Variants in CAPS2 observed in about 807,000 individuals in gnomAD.
CAPS2 encodes calcyphosine 2.
In CAPS2, 98 loss-of-function variants were observed where a neutral mutation model predicts 86.5. That is an observed-to-expected ratio of 1.13 (90% CI 0.96 to 1.34). The LOEUF (loss-of-function observed/expected upper bound fraction) is 1.34, where lower values mean the gene tolerates loss of function less well. Ranked by LOEUF, CAPS2 falls within the 40% of genes most tolerant of loss-of-function variation. The probability of loss-of-function intolerance (pLI) is 0.00; values close to 1 mark genes in which losing one functional copy is unlikely to be tolerated. For missense variants in CAPS2, 729 were observed against 686.8 expected, an observed-to-expected ratio of 1.06 and a Z score of -0.69; for synonymous variants, 210 against 225.1, an observed-to-expected ratio of 0.93 and a Z score of 0.60.
chr12:75,326,470 G>A (rs1413415183), exon 1 of CAPS2: 1 of 1,545,168 alleles, frequency 6.5e-7, no homozygotes, highest in South Asian at 1.2e-5. Flanking sequence ...CCTAGAAGTG[G>A]CAGCAACTCC....
At chr12:75,371,692 G>A in intron 1 of CAPS2, among the ~76,000 whole-genome samples, 1 of 152,122 alleles carries the variant, frequency 6.6e-6, no homozygotes, top group East Asian at 1.9e-4. Flanking sequence ...ACACTTAAAT[G>A]TCTAAATGAA....
At chr12:75,323,198 G>C (rs11180461) in exon 3 of CAPS2, 2 of 1,543,954 alleles carry the variant, frequency 1.3e-6, no homozygotes, top group Non-Finnish European at 1.7e-6. Context: ...AGTCAACAAG[G>C]CTTCCCAAAT....
intron 11 of CAPS2, among the ~76,000 whole-genome samples, chr12:75,297,715 A>G (rs1453514556): frequency 6.6e-6 from 1 of 152,040 alleles, no homozygotes; most frequent in African/African-American, 2.4e-5. Context: ...TCTCTTGCCA[A>G]CCTCCACCTT....
intron 7 of CAPS2, among the ~76,000 whole-genome samples, chr12:75,308,605 T>G (rs1472641406): frequency 1.3e-5 from 2 of 152,122 alleles, no homozygotes; most frequent in East Asian, 3.9e-4. Flanking sequence ...TTGTTGTTAT[T>G]AATATTATTT....
rs760696676 is a variant in CAPS2 at position 75,326,402 on chromosome 12, T to C, written c.81+16A>G. 23 of 1,096,228 alleles carry C rather than the reference T, an allele frequency of 2.1e-5. No individual in the cohort carries two copies. Among genetic ancestry groups the C allele is most frequent in the Non-Finnish European group, 3.1e-5 (23 of 747,586 alleles). 67.9% of individuals were successfully genotyped at this position (1,096,228 alleles called of 1,614,324 possible). On this transcript the variant is annotated intron_variant, in intron 1 of 16. Transcript: ENST00000393284. Reference sequence around the variant, plus strand: ...AAGTCATCCTGAAAGAAGAAAATTATATAGAGCTCACATACTTGTAGAGGC... The same window carrying C: ...AAGTCATCCTGAAAGAAGAAAATTACATAGAGCTCACATACTTGTAGAGGC...
At chr12:75,312,975 A>G in intron 6 of CAPS2, 60 bp from the exon 7 acceptor site, 1 of 939,270 alleles carries the variant, frequency 1.1e-6, no homozygotes, top group Non-Finnish European at 1.7e-6. Context: ...ACAATACTTA[A>G]CACAAAAGTT....
At chr12:75,332,589 C>CAT (rs972930591), upstream of CAPS2, among the ~76,000 whole-genome samples, 1 of 151,962 alleles carries the variant, frequency 6.6e-6, no homozygotes, top group Non-Finnish European at 1.5e-5. Flanking sequence ...TGTATATATA[C>CAT]ATATATATAA....
chr12:75,381,892 C>T (rs1206095066), intron 1 of CAPS2, among the ~76,000 whole-genome samples: 1 of 152,184 alleles, frequency 6.6e-6, no homozygotes, highest in East Asian at 1.9e-4. Flanking sequence ...GGATTACAGG[C>T]ATGAGCCACC....
At chr12:75,352,384 C>T (rs2042874683) in intron 1 of CAPS2, among the ~76,000 whole-genome samples, 1 of 152,078 alleles carries the variant, frequency 6.6e-6, no homozygotes, top group Non-Finnish European at 1.5e-5. Flanking sequence ...TTTAAACCAA[C>T]AAAGATCAAA....
intron 14 of CAPS2, among the ~76,000 whole-genome samples, chr12:75,286,444 A>C (rs540444479): frequency 2.4e-4 from 36 of 152,090 alleles, no homozygotes; most frequent in South Asian, 1.0e-3. Flanking sequence ...GCTTAAAAGA[A>C]ATAATTTTCA....
intron 13 of CAPS2, 55 bp from the exon 14 acceptor site, chr12:75,289,830 A>G: frequency 8.0e-7 from 1 of 1,243,076 alleles, no homozygotes. Context: ...AAATGTATAA[A>G]GCCGCAGTTA....
At chr12:75,322,399 T>C (rs1296528482) in intron 4 of CAPS2, among the ~76,000 whole-genome samples, 1 of 152,150 alleles carries the variant, frequency 6.6e-6, no homozygotes, top group Admixed American at 6.5e-5. Flanking sequence ...GTGTTGAGGA[T>C]AGTCATGTCT....
chr12:75,285,532 G>A (rs2034719236), intron 14 of CAPS2, among the ~76,000 whole-genome samples: 1 of 151,774 alleles, frequency 6.6e-6, no homozygotes, highest in Non-Finnish European at 1.5e-5. Context: ...TCCATGCTGT[G>A]CAATAGATCA....
At chr12:75,276,711 A>C (rs1217551461), downstream of CAPS2, 20 of 796,192 alleles carry the variant, frequency 2.5e-5, no homozygotes, top group Non-Finnish European at 3.0e-5. Flanking sequence ...AAATCAGTAT[A>C]TACAATTCCA....
intron 6 of CAPS2, among the ~76,000 whole-genome samples, chr12:75,313,995 C>A (rs985080069): frequency 6.6e-5 from 10 of 152,186 alleles, no homozygotes; most frequent in African/African-American, 2.4e-4. Flanking sequence ...CCACAGCTCA[C>A]TGCAACCTCC....
exon 7 of CAPS2, chr12:75,312,860 T>G: frequency 6.3e-7 from 1 of 1,589,580 alleles, no homozygotes; most frequent in Non-Finnish European, 8.6e-7. Flanking sequence ...AGATAAGTGG[T>G]CTATCATCAC....
intron 1 of CAPS2, among the ~76,000 whole-genome samples, chr12:75,339,247 G>T (rs191277302): frequency 6.6e-6 from 1 of 151,860 alleles, no homozygotes; most frequent in Non-Finnish European, 1.5e-5. Context: ...TTTTTTTCCC[G>T]CAACACTGCC....
chr12:75,355,441 G>A (rs986721448), intron 1 of CAPS2, among the ~76,000 whole-genome samples: 1 of 152,180 alleles, frequency 6.6e-6, no homozygotes, highest in Non-Finnish European at 1.5e-5. Flanking sequence ...ATGCCAGTCA[G>A]AATGGCAATT....
intron 1 of CAPS2, among the ~76,000 whole-genome samples, chr12:75,338,463 T>C (rs2041880869): frequency 6.6e-6 from 1 of 152,164 alleles, no homozygotes; most frequent in Non-Finnish European, 1.5e-5. Context: ...CTCAATAGAG[T>C]CATGAAAACC....
Sources: gnomAD v4.1 joint callset for allele counts (sites outside exome capture counted in the v4.1 genomes callset) on GRCh38, gnomAD v4.1.1 for gene constraint, MANE v1.5 for transcripts, NCBI Gene and HGNC (gene_info 2026-07-23, HGNC 2026-07-21) for gene names.